JMY: variants seen among roughly 807,000 people sequenced by gnomAD.
JMY encodes the protein junction mediating and regulatory protein, p53 cofactor.
A neutral mutation model predicts 103.3 loss-of-function variants in JMY; 46 were observed. That is an observed-to-expected ratio of 0.45 (90% CI 0.35 to 0.57). The LOEUF is 0.57. Ranked by LOEUF, JMY falls within the 20% of genes least tolerant of loss-of-function variation. JMY has a pLI of 0.00. For missense variants in JMY, 1,238 were observed against 1,255.2 expected (o/e 0.99, Z 0.21); for synonymous variants, 526 against 489.3 (o/e 1.07, Z -0.99).
At chr5:79,237,710 TC>T (rs758874809) in intron 1 of JMY, 28 bp downstream of exon 1, 2 of 1,577,578 alleles carry the variant, frequency 1.3e-6, no homozygotes, top group South Asian at 2.3e-5. Context: ...TAGTCTGGGC[TC>T]TACTGGTCGC....
intron 6 of JMY, among the ~76,000 whole-genome samples, chr5:79,303,937 G>A: frequency 6.6e-6 from 1 of 151,984 alleles, no homozygotes; most frequent in Non-Finnish European, 1.5e-5. Context: ...ACAGGTGAGG[G>A]GTGAAGAGGA....
chr5:79,242,274 A>T (rs552845235), intron 1 of JMY, among the ~76,000 whole-genome samples: 2 of 152,272 alleles, frequency 1.3e-5, no homozygotes, highest in South Asian at 4.1e-4. Flanking sequence ...ACTTCTGATG[A>T]CCTGCTTAGT....
intron 10 of JMY, among the ~76,000 whole-genome samples, chr5:79,319,190 G>A (rs1747357451): frequency 6.6e-6 from 1 of 152,194 alleles, no homozygotes. Context: ...GTTACTCATA[G>A]CTTCTGGCTA....
chr5:79,278,039 C>T lies in JMY; in HGVS notation c.1162C>T (p.Arg388Ter). 5 of 1,613,716 alleles carry T rather than the reference C, an allele frequency of 3.1e-6. No homozygotes were observed. Among genetic ancestry groups the T allele is most frequent in the Middle Eastern group, 1.7e-4 (1 of 6,060 alleles). ...ELYQYLLQPF[R>*]DMRELAMLRR... ...CTATCAGTATTTACTACAGCCATTCCGAGACATGAGAGAACTTGCCATGCT... is the reference window on the plus strand; with the variant it reads ...CTATCAGTATTTACTACAGCCATTCTGAGACATGAGAGAACTTGCCATGCT... The change falls in exon 2 of 11, where the codon CGA (arginine) becomes TGA (stop). Residue 388 changes from arginine (R) to a stop codon, truncating the protein, a stop_gained. Transcript: ENST00000396137. LOFTEE classifies it high-confidence loss of function.
chr5:79,243,236 T>G (rs560237195), intron 1 of JMY, among the ~76,000 whole-genome samples: 1 of 152,286 alleles, frequency 6.6e-6, no homozygotes, highest in East Asian at 1.9e-4. Context: ...AAGGATACCT[T>G]TGGGTCCTTA....
At chr5:79,318,995 C>G (rs1341326107) in intron 10 of JMY, among the ~76,000 whole-genome samples, 1 of 152,134 alleles carries the variant, frequency 6.6e-6, no homozygotes, top group Non-Finnish European at 1.5e-5. Flanking sequence ...TGACTAATTC[C>G]ACAGCTGGAC....
chr5:79,298,036 A>G (rs919785295), intron 4 of JMY, among the ~76,000 whole-genome samples: 2 of 152,186 alleles, frequency 1.3e-5, no homozygotes, highest in Non-Finnish European at 2.9e-5. Flanking sequence ...GCGTAAAGGC[A>G]TGTCACTGGG....
intron 7 of JMY, among the ~76,000 whole-genome samples, chr5:79,310,181 G>C (rs915987176): frequency 7.0e-6 from 1 of 143,222 alleles, no homozygotes; most frequent in African/African-American, 2.6e-5. Flanking sequence ...TCCTGCCTCA[G>C]CCTCCCATGT....
At chr5:79,293,709 T>C (rs1374030334) in intron 4 of JMY, among the ~76,000 whole-genome samples, 1 of 152,236 alleles carries the variant, frequency 6.6e-6, no homozygotes, top group Non-Finnish European at 1.5e-5. Flanking sequence ...CTGAGCCTCT[T>C]ATTTCAGAAT....
Position 79,314,495 on chromosome 5 carries a change from C to T in JMY, c.2303C>T (p.Ala768Val). 6.2e-7 allele frequency: 1 copy of T among 1,614,108 alleles called. No individual in the cohort carries two copies. Residue 768 changes from alanine (A) to valine (V), a missense_variant, in exon 9 of 11, where the codon GCC (alanine) becomes GTC (valine). Coordinates refer to ENST00000396137, the MANE Select transcript of JMY (RefSeq NM_152405.5). ...GATACTTCATTAACACAACTTGAAG[C>T]CACCTCATTACCTCTCAGTGGTGTT... is the stretch of plus-strand genomic sequence containing the variant. ...LEDTSLTQLE[A>V]TSLPLSGVTS... is the part of the protein sequence containing the mutation.
intron 7 of JMY, among the ~76,000 whole-genome samples, chr5:79,310,443 A>G (rs2112115952): frequency 6.6e-6 from 1 of 152,292 alleles, no homozygotes; most frequent in Admixed American, 6.5e-5. Flanking sequence ...GGAATATATA[A>G]TTGTCAGAGA....
chr5:79,244,833 G>GT (rs34362472), intron 1 of JMY, among the ~76,000 whole-genome samples: 40,390 of 137,982 alleles, frequency 0.29, 5,620 homozygotes, highest in African/African-American at 0.34. Flanking sequence ...GTAACTATTT[G>GT]TTTTTTTTTT....
intron 6 of JMY, among the ~76,000 whole-genome samples, chr5:79,306,019 C>A (rs1221132332): frequency 6.6e-6 from 1 of 152,108 alleles, no homozygotes; most frequent in African/African-American, 2.4e-5. Context: ...CATAGTGAGA[C>A]CCCCATCTCT....
intron 1 of JMY, among the ~76,000 whole-genome samples, chr5:79,274,683 G>A (rs1745884757): frequency 6.6e-6 from 1 of 152,158 alleles, no homozygotes; most frequent in South Asian, 2.1e-4. Flanking sequence ...TGGGATTATA[G>A]GCTTGATCCA....
At position 79,236,822 on chromosome 5, in the gene JMY, T is replaced by C. The variant is rs1477364708; in HGVS notation, c.172T>C (p.Ser58Pro). The change falls in exon 1 of 11, where the codon TCC becomes CCC. Residue 58 changes from serine to proline, a missense_variant. Ser to Pro is a moderately conservative substitution (Grantham distance 74). Coordinates refer to ENST00000396137, the MANE Select transcript of JMY (RefSeq NM_152405.5). ...GACGGCCCAGAGGCAGAGGAGCGGCTCCCGGGAGCAAGCGGGGGCGCGAGG... is the reference window on the plus strand; with the variant it reads ...GACGGCCCAGAGGCAGAGGAGCGGCCCCCGGGAGCAAGCGGGGGCGCGAGG... ...NRTAQRQRSGSREQAGARGGA... is the reference protein window; with the variant it reads ...NRTAQRQRSGPREQAGARGGA... The C allele has an allele frequency of 1.4e-6, 2 of 1,468,326 alleles. No individual in the cohort carries two copies. The highest frequency in any genetic ancestry group is 1.5e-5 in the African/African-American group (1 of 67,928). The allele number at this position is 1,468,326 out of a possible 1,614,324, so 91.0% of individuals were successfully genotyped here.
chr5:79,294,228 AC>A (rs1400770973), intron 4 of JMY, among the ~76,000 whole-genome samples: 1 of 151,942 alleles, frequency 6.6e-6, no homozygotes, highest in Non-Finnish European at 1.5e-5. Flanking sequence ...ATATGGCAAA[AC>A]CCTGTCTCTA....
intron 10 of JMY, among the ~76,000 whole-genome samples, 187 bp downstream of exon 10, chr5:79,316,497 C>T (rs546022903): frequency 9.2e-5 from 14 of 152,148 alleles, no homozygotes; most frequent in Admixed American, 5.9e-4. Context: ...CTTAAGATAA[C>T]TTTTTAATGA....
At chr5:79,238,468 GTGTAATTCATGCC>G (rs1744593693) in intron 1 of JMY, among the ~76,000 whole-genome samples, 1 of 152,096 alleles carries the variant, frequency 6.6e-6, no homozygotes, top group Non-Finnish European at 1.5e-5. Context: ...TGTAGGAAAT[GTGTAATTCATGCC>G]TGCTCACTAG....
intron 1 of JMY, among the ~76,000 whole-genome samples, chr5:79,249,918 T>C (rs2112050986): frequency 6.6e-6 from 1 of 152,260 alleles, no homozygotes; most frequent in East Asian, 1.9e-4. Flanking sequence ...GCTTAACTCT[T>C]GGTAGTAACT....
Sources: gnomAD v4.1 joint callset for allele counts (sites outside exome capture counted in the v4.1 genomes callset) on GRCh38, gnomAD v4.1.1 for gene constraint, MANE v1.5 for transcripts, NCBI Gene and HGNC (gene_info 2026-07-23, HGNC 2026-07-21) for gene names.